The following LAMA2 variants were observed in gnomAD, a reference collection of about 807,000 sequenced individuals.
LAMA2 encodes laminin subunit alpha 2.
In LAMA2, 269 loss-of-function variants were observed where a neutral mutation model predicts 364.8. The observed-to-expected ratio is 0.74, with a 90% CI of 0.67 to 0.82. LAMA2 has a LOEUF of 0.82. LAMA2 is among the 40% of genes least tolerant of loss of function. LAMA2 has a pLI of 0.00. For missense variants in LAMA2, 3,807 were observed against 3,873.2 expected (o/e 0.98, Z 0.45); for synonymous variants, 1,379 against 1,370.6 (o/e 1.01, Z -0.14).
intron 12 of LAMA2, among the ~76,000 whole-genome samples, chr6:129,200,551 T>C (rs1782222374): frequency 6.6e-6 from 1 of 151,700 alleles, no homozygotes; most frequent in African/African-American, 2.4e-5. Context: ...TGTGTATATA[T>C]ATATATTTAG....
At chr6:129,451,811 A>G (rs971249969) in intron 45 of LAMA2, among the ~76,000 whole-genome samples, 1 of 152,148 alleles carries the variant, frequency 6.6e-6, no homozygotes, top group African/African-American at 2.4e-5. Context: ...ACTCAAACAC[A>G]AATGAGGCTC....
intron 12 of LAMA2, among the ~76,000 whole-genome samples, chr6:129,211,928 A>G (rs893718916): frequency 6.6e-6 from 1 of 152,156 alleles, no homozygotes; most frequent in Admixed American, 6.5e-5. Flanking sequence ...GAACTTAATA[A>G]TTCTTTGTTG....
chr6:129,230,215 A>G (rs1368736466), intron 12 of LAMA2, among the ~76,000 whole-genome samples: 1 of 152,162 alleles, frequency 6.6e-6, no homozygotes, highest in East Asian at 1.9e-4. Flanking sequence ...GAAGTCATGT[A>G]TTGAAAGTCA....
chr6:129,254,259 A>G (rs1433947732), intron 14 of LAMA2, among the ~76,000 whole-genome samples: 1 of 152,222 alleles, frequency 6.6e-6, no homozygotes, highest in Non-Finnish European at 1.5e-5. Context: ...AGTTAGTTAT[A>G]TGATTAGATG....
intron 1 of LAMA2, among the ~76,000 whole-genome samples, chr6:128,913,016 G>A (rs1778085864): frequency 1.3e-5 from 2 of 152,066 alleles, no homozygotes; most frequent in South Asian, 4.2e-4. Flanking sequence ...TTAAGGGACT[G>A]GAATTTAAGT....
At chr6:129,242,929 T>A (rs1785490850) in intron 12 of LAMA2, among the ~76,000 whole-genome samples, 1 of 152,190 alleles carries the variant, frequency 6.6e-6, no homozygotes, top group Non-Finnish European at 1.5e-5. Flanking sequence ...GTTGCCTTTC[T>A]AAGCACATCA....
At chr6:129,297,930 CA>C in intron 21 of LAMA2, 65 bp downstream of exon 21, 1 of 1,374,812 alleles carries the variant, frequency 7.3e-7, no homozygotes, top group Non-Finnish European at 1.0e-6. Context: ...ACTTCTGTAA[CA>C]GTTTGTTCTT....
chr6:128,995,318 A>G (rs1343752362), intron 1 of LAMA2, among the ~76,000 whole-genome samples: 1 of 152,118 alleles, frequency 6.6e-6, no homozygotes, highest in Admixed American at 6.5e-5. Context: ...TGGGTATAGT[A>G]CCTGATAGGC....
At chr6:129,388,028 C>A (rs1362373958) in intron 35 of LAMA2, among the ~76,000 whole-genome samples, 1 of 152,118 alleles carries the variant, frequency 6.6e-6, no homozygotes, top group Non-Finnish European at 1.5e-5. Flanking sequence ...GAGGCCAAGG[C>A]AGGCAGATCA....
chr6:129,387,107 A>C (rs1583630384), intron 35 of LAMA2, among the ~76,000 whole-genome samples: 1 of 150,418 alleles, frequency 6.6e-6, no homozygotes. Flanking sequence ...TAGAAACTTT[A>C]TGGGGTATGT....
chr6:129,288,773 T>C (rs1203237640), intron 19 of LAMA2, among the ~76,000 whole-genome samples: 2 of 152,222 alleles, frequency 1.3e-5, no homozygotes, highest in Non-Finnish European at 2.9e-5. Context: ...GATTAGAATA[T>C]GAAGGCGGAT....
chr6:129,351,037 T>C (rs1464486691), intron 31 of LAMA2, among the ~76,000 whole-genome samples: 2 of 152,172 alleles, frequency 1.3e-5, no homozygotes, highest in African/African-American at 4.8e-5. Context: ...GATATAGATA[T>C]AGGTGATACA....
At chr6:128,956,405 A>G (rs1284509257) in intron 1 of LAMA2, among the ~76,000 whole-genome samples, 10 of 151,986 alleles carry the variant, frequency 6.6e-5, no homozygotes, top group Non-Finnish European at 2.9e-5. Context: ...TGCAGCCTTC[A>G]TAGTTATTCT....
rs1350705904 is a variant in LAMA2, at chr6:129,465,272, CAAG to C, written c.7286_7288del (p.Arg2429del). ...GGGAAATGGAAATCATTCACTCTGT[CAAG>C]AATTCAAAAACAAGGTGAGTTTTTA... On this transcript the variant is annotated inframe_deletion, in exon 51 of 65. Coordinates refer to ENST00000421865, the MANE Select transcript of LAMA2 (RefSeq NM_000426.4). The C allele has an allele frequency of 1.9e-6, 3 of 1,610,956 alleles. No individual in the cohort carries two copies. The African/African-American group carries it at 4.0e-5, about 22-fold the overall frequency.
intron 15 of LAMA2, 68 bp downstream of exon 15, chr6:129,260,890 C>A: frequency 1.1e-6 from 1 of 900,052 alleles, no homozygotes; most frequent in South Asian, 1.3e-5. Context: ...ATAACCTATT[C>A]TAATAAGAGC....
At chr6:129,511,963 G>C (rs781726795) in intron 62 of LAMA2, among the ~76,000 whole-genome samples, 1 of 152,128 alleles carries the variant, frequency 6.6e-6, no homozygotes, top group Non-Finnish European at 1.5e-5. Context: ...TTACCCAACA[G>C]AGAGACTTCT....
At chr6:129,268,135 G>A (rs1387265285) in intron 16 of LAMA2, among the ~76,000 whole-genome samples, 2 of 151,826 alleles carry the variant, frequency 1.3e-5, no homozygotes, top group East Asian at 1.9e-4. Context: ...TGAAAATTCA[G>A]GGCTTTTGTT....
chr6:129,264,560 T>G (rs1017456196), intron 15 of LAMA2, among the ~76,000 whole-genome samples: 3 of 151,718 alleles, frequency 2.0e-5, no homozygotes, highest in Non-Finnish European at 2.9e-5. Flanking sequence ...TGAATAAAAT[T>G]ACCCAGGAGA....
chr6:129,156,213 GATAA>G (rs1211357335), intron 8 of LAMA2, among the ~76,000 whole-genome samples: 1 of 150,930 alleles, frequency 6.6e-6, no homozygotes, highest in East Asian at 1.9e-4. Context: ...TGTCACACAT[GATAA>G]ATATATACAA....
Sources: allele counts gnomAD v4.1 joint callset (sites outside exome capture counted in the v4.1 genomes callset), GRCh38; gene constraint gnomAD v4.1.1; transcripts MANE v1.5; gene names NCBI Gene and HGNC (gene_info 2026-07-23, HGNC 2026-07-21).